Variants in FAS observed in about 807,000 individuals in gnomAD.
FAS encodes the protein tumor necrosis factor receptor superfamily member 6.
FAS carries 5 observed loss-of-function variants against 33.2 expected under a neutral mutation model. The ratio of observed to expected loss-of-function variants is 0.15; its 90% CI spans 0.08 to 0.32. FAS has a LOEUF of 0.32. Ranked by LOEUF, FAS falls within the 10% of genes least tolerant of loss-of-function variation. The pLI, the probability that FAS is intolerant of heterozygous loss-of-function variation, is 1.00. For missense variants in FAS, 339 were observed against 386.0 expected (o/e 0.88, Z 1.02); for synonymous variants, 131 against 130.7 (o/e 1.00, Z -0.01).
intron 1 of FAS, chr10:88,973,054 C>A: frequency 9.3e-7 from 1 of 1,079,060 alleles, no homozygotes; most frequent in Non-Finnish European, 1.3e-6. Context: ...ATTTTAAAAG[C>A]TAACCTTGTA....
chr10:89,010,128 C>A (rs796989389), intron 4 of FAS, among the ~76,000 whole-genome samples: 18 of 152,308 alleles, frequency 1.2e-4, no homozygotes, highest in African/African-American at 4.1e-4. Flanking sequence ...ACATCATGGG[C>A]GTGGCTATCA....
chr10:88,967,658 G>T (rs1846343427), intron 1 of FAS, among the ~76,000 whole-genome samples: 1 of 152,108 alleles, frequency 6.6e-6, no homozygotes, highest in African/African-American at 2.4e-5. Flanking sequence ...AAAGACAGAA[G>T]ATGAACATAT....
intron 1 of FAS, among the ~76,000 whole-genome samples, chr10:88,999,567 A>G (rs1440985160): frequency 6.6e-6 from 1 of 152,180 alleles, no homozygotes; most frequent in Non-Finnish European, 1.5e-5. Flanking sequence ...TAGAACTTAT[A>G]TGTGTCTTTC....
At chr10:88,975,706 T>C (rs114224163) in intron 2 of FAS, among the ~76,000 whole-genome samples, 1,574 of 152,210 alleles carry the variant, frequency 0.01, 26 homozygotes, top group African/African-American at 0.035. Context: ...CTGGCACATA[T>C]TGGCCTCTTA....
chr10:88,995,991 A>C (rs1847564620), intron 1 of FAS, among the ~76,000 whole-genome samples: 2 of 152,258 alleles, frequency 1.3e-5, no homozygotes, highest in African/African-American at 4.8e-5. Context: ...TGGCAAAATT[A>C]GAGTAAATTT....
chr10:89,015,722 T>C lies in FAS; in HGVS notation c.*1272T>C. 2.0e-6 allele frequency: 1 copy of C among 500,504 alleles called. No individual in the cohort carries two copies. Among genetic ancestry groups the C allele is most frequent in the South Asian group, 1.8e-5 (1 of 55,348 alleles). 31.0% of individuals were successfully genotyped at this position (500,504 alleles called of 1,614,324 possible). A position where few individuals can be genotyped will look rare whatever the true frequency, so the allele number is the denominator to read the frequency against. On this transcript the variant is annotated 3_prime_UTR_variant, in exon 9 of 9. Coordinates refer to ENST00000652046, the MANE Select transcript of FAS (RefSeq NM_000043.6). ...AACTTCCATTTATGGAGGATTTTTTTGCCCCTTGTGTTTGGAATTATAAAA... is the reference window on the plus strand; with the variant it reads ...AACTTCCATTTATGGAGGATTTTTTCGCCCCTTGTGTTTGGAATTATAAAA...
chr10:89,014,779 T>C lies in FAS; in HGVS notation c.*329T>C, dbSNP rs1228509989. ...GTAGTATGAATGTAATCAGTGTATG[T>C]TAGTACAAATGTCTATCCACAGGCT... On this transcript the variant is annotated 3_prime_UTR_variant, in exon 9 of 9. Transcript: ENST00000652046. The C allele has an allele frequency of 3.6e-6, 2 of 559,956 alleles. No individual in the cohort carries two copies. The highest frequency in any genetic ancestry group is 6.8e-6 in the Non-Finnish European group (2 of 294,738). The allele number at this position is 559,956 out of a possible 1,614,324, so 34.7% of individuals were successfully genotyped here. A position where few individuals can be genotyped will look rare whatever the true frequency, so the allele number is the denominator to read the frequency against.
At chr10:88,972,266 C>T (rs7917538) in intron 1 of FAS, among the ~76,000 whole-genome samples, 3,312 of 152,154 alleles carry the variant, frequency 0.022, 113 homozygotes, top group African/African-American at 0.076. Context: ...CAATTGCTAA[C>T]GATTAAGGGG....
chr10:89,003,149 G>T lies in FAS; in HGVS notation c.151G>T (p.Gly51Cys). Reference sequence around the variant, plus strand: ...TACAGTTGAGACTCAGAACTTGGAAGGCCTGCATCATGATGGCCAATTCTG... The same window carrying T: ...TACAGTTGAGACTCAGAACTTGGAATGCCTGCATCATGATGGCCAATTCTG... The part of the protein sequence containing the change: ...VTTVETQNLE[G>C]LHHDGQFCHK... Residue 51 changes from glycine (G) to cysteine (C), a missense_variant, in exon 2 of 9, where the codon GGC becomes TGC. By Grantham distance (159) the Gly-to-Cys change is radical. Around this residue, in one of 3 missense-constraint regions of FAS, gnomAD observed 276 missense variants for 300.1 expected, o/e 0.92. Coordinates refer to ENST00000652046, the MANE Select transcript of FAS (RefSeq NM_000043.6). The T allele has an allele frequency of 6.2e-7, 1 of 1,614,166 alleles. No individual in the cohort carries two copies. Among genetic ancestry groups the T allele is most frequent in the African/African-American group, 1.3e-5 (1 of 75,048 alleles).
intron 2 of FAS, among the ~76,000 whole-genome samples, chr10:88,977,157 C>T (rs1846583353): frequency 6.6e-6 from 1 of 151,940 alleles, no homozygotes; most frequent in African/African-American, 2.4e-5. Flanking sequence ...TGCAGAAGCT[C>T]TGTAGTTTAA....
chr10:89,001,511 A>G (rs763360298), intron 1 of FAS, among the ~76,000 whole-genome samples: 1 of 151,280 alleles, frequency 6.6e-6, no homozygotes, highest in South Asian at 2.1e-4. Context: ...CTGTTGCTCT[A>G]TTTGTAACCG....
At chr10:88,985,087 C>T (rs182313431), upstream of FAS, among the ~76,000 whole-genome samples, 1 of 152,204 alleles carries the variant, frequency 6.6e-6, no homozygotes, top group Admixed American at 6.5e-5. Context: ...ATTGCTACAA[C>T]AAAATAATAA....
intron 1 of FAS, among the ~76,000 whole-genome samples, chr10:88,971,330 A>C (rs1846441909): frequency 6.6e-6 from 1 of 152,260 alleles, no homozygotes; most frequent in South Asian, 2.1e-4. Flanking sequence ...GGACAAACAC[A>C]AACACAAAAT....
At chr10:89,007,875 T>A in intron 3 of FAS, 38 bp downstream of exon 3, 1 of 1,612,710 alleles carries the variant, frequency 6.2e-7, no homozygotes, top group Non-Finnish European at 8.5e-7. Flanking sequence ...AGGCCAATCT[T>A]GGAATTTCAT....
upstream of FAS, among the ~76,000 whole-genome samples, chr10:88,988,111 C>T (rs537443298): frequency 3.2e-4 from 48 of 152,284 alleles, no homozygotes; most frequent in African/African-American, 1.1e-3. Flanking sequence ...TCCTATCTAT[C>T]TTTCCATTTA....
chr10:88,977,001 A>G (rs910088949), intron 2 of FAS, among the ~76,000 whole-genome samples: 1 of 152,226 alleles, frequency 6.6e-6, no homozygotes, highest in Non-Finnish European at 1.5e-5. Flanking sequence ...ATGTATGCCT[A>G]CATATCCCAA....
intron 1 of FAS, among the ~76,000 whole-genome samples, chr10:88,996,771 G>A (rs1026206803): frequency 6.6e-5 from 10 of 151,660 alleles, no homozygotes; most frequent in East Asian, 1.9e-4. Flanking sequence ...TTTATTTGTC[G>A]AATAAAAATA....
intron 2 of FAS, among the ~76,000 whole-genome samples, chr10:88,980,487 T>C (rs1846684391): frequency 6.6e-6 from 1 of 152,226 alleles, no homozygotes; most frequent in African/African-American, 2.4e-5. Flanking sequence ...AGGCCAGGCC[T>C]GATGCTTATA....
At chr10:88,995,323 G>GA (rs774807665) in intron 1 of FAS, among the ~76,000 whole-genome samples, 4 of 152,156 alleles carry the variant, frequency 2.6e-5, no homozygotes, top group Non-Finnish European at 5.9e-5. Context: ...GAGAGAAATT[G>GA]ACTTTTGTAA....
Sources: allele counts gnomAD v4.1 joint callset (sites outside exome capture counted in the v4.1 genomes callset), GRCh38; gene constraint gnomAD v4.1.1; regional missense constraint gnomAD v4.1.1; transcripts MANE v1.5; gene names NCBI Gene and HGNC (gene_info 2026-07-23, HGNC 2026-07-21).